The following ZMIZ1 variants were observed in gnomAD, a reference collection of about 807,000 sequenced individuals.
ZMIZ1 encodes the protein zinc finger MIZ-type containing 1, also known as zinc finger MIZ domain-containing protein 1.
In ZMIZ1, 17 loss-of-function variants were observed where a neutral mutation model predicts 113.9. The ratio of observed to expected loss-of-function variants is 0.15; its 90% CI spans 0.10 to 0.22. The LOEUF is 0.22. Ranked by LOEUF, ZMIZ1 falls within the 10% of genes least tolerant of loss-of-function variation. The pLI is 1.00. For missense variants in ZMIZ1, 1,059 were observed against 1,477.8 expected (o/e 0.72, Z 4.65); for synonymous variants, 607 against 603.1 (o/e 1.01, Z -0.09).
intron 4 of ZMIZ1, among the ~76,000 whole-genome samples, chr10:79,180,611 G>GT (rs1473200765): frequency 6.6e-6 from 1 of 152,178 alleles, no homozygotes; most frequent in Non-Finnish European, 1.5e-5. Context: ...CCCCAGAGGC[G>GT]TGGGAGCCTG....
At chr10:79,214,911 T>C (rs1205709849) in intron 6 of ZMIZ1, among the ~76,000 whole-genome samples, 1 of 151,864 alleles carries the variant, frequency 6.6e-6, no homozygotes, top group East Asian at 1.9e-4. Context: ...GGGGACAGAG[T>C]GAAGCCAGAG....
rs532477504 is a variant in ZMIZ1, at chr10:79,131,392, CA to C, written c.-226-8289del. On this transcript the variant is annotated intron_variant, in intron 2 of 24. Coordinates refer to ENST00000334512, the MANE Select transcript of ZMIZ1 (RefSeq NM_020338.4). ...TCAGCAGCCACACTGGAAGGTTTTT[CA>C]GGGGGTTTATCTCCCTCTTCTCTGA... Among the ~76,000 whole-genome samples the C allele has an allele frequency of 4.0e-3, 616 of 152,274 alleles. 7 individuals are homozygous for C. Among genetic ancestry groups the C allele is most frequent in the African/African-American group, 0.014 (590 of 41,548 alleles).
intron 4 of ZMIZ1, among the ~76,000 whole-genome samples, chr10:79,199,124 A>G (rs1847962925): frequency 6.6e-6 from 1 of 152,142 alleles, no homozygotes; most frequent in Admixed American, 6.5e-5. Flanking sequence ...TGAGGGCTCA[A>G]GCCTTAGAAC....
At chr10:79,210,894 G>C (rs1848503439) in intron 6 of ZMIZ1, among the ~76,000 whole-genome samples, 1 of 152,146 alleles carries the variant, frequency 6.6e-6, no homozygotes, top group Non-Finnish European at 1.5e-5. Flanking sequence ...AGCCCAGAGA[G>C]GGCCTCATGA....
chr10:79,165,856 T>G (rs967759835), intron 4 of ZMIZ1, among the ~76,000 whole-genome samples: 2 of 150,182 alleles, frequency 1.3e-5, no homozygotes, highest in Non-Finnish European at 3.0e-5. Context: ...GGGCCTGGTC[T>G]GCTAGGGGGG....
intron 1 of ZMIZ1, among the ~76,000 whole-genome samples, chr10:79,090,779 T>TG (rs572561883): frequency 2.6e-4 from 39 of 152,332 alleles, no homozygotes; most frequent in African/African-American, 9.1e-4. Context: ...AGCTGAGGTT[T>TG]GGGGGGTGCC....
At position 79,305,610 on chromosome 10, in the gene ZMIZ1, G is replaced by T; in HGVS notation, c.2423+9G>T. The stretch of plus-strand genomic sequence containing the variant: ...CTGAATGCCATCCAACAGTAAGTGG[G>T]GCCCTAGCGAGGGGCAGGGGGTGGG... On this transcript the variant is annotated intron_variant, in intron 21 of 24. Coordinates refer to ENST00000334512, the MANE Select transcript of ZMIZ1 (RefSeq NM_020338.4). 1 of 1,613,790 alleles carries T rather than the reference G, an allele frequency of 6.2e-7. No individual in the cohort carries two copies. The highest frequency in any genetic ancestry group is 1.1e-5 in the South Asian group (1 of 91,066).
chr10:79,205,639 G>T (rs1158471500), intron 5 of ZMIZ1, among the ~76,000 whole-genome samples: 1 of 152,212 alleles, frequency 6.6e-6, no homozygotes, highest in African/African-American at 2.4e-5. Flanking sequence ...ACAGATGAGG[G>T]TCTGATGTGC....
At chr10:79,308,325 G>A (rs1409700318) in intron 23 of ZMIZ1, among the ~76,000 whole-genome samples, 2 of 152,244 alleles carry the variant, frequency 1.3e-5, no homozygotes, top group Non-Finnish European at 2.9e-5. Context: ...ACTCCTGGCA[G>A]TGCGTGGGTG....
At chr10:79,206,106 CAAA>C (rs79155220) in intron 5 of ZMIZ1, among the ~76,000 whole-genome samples, 1 of 95,092 alleles carries the variant, frequency 1.1e-5, no homozygotes, top group African/African-American at 4.0e-5. Context: ...AGACCCTGTC[CAAA>C]AAAAAAAAAA....
chr10:79,103,773 G>A (rs1289133786), intron 1 of ZMIZ1, among the ~76,000 whole-genome samples: 3 of 152,126 alleles, frequency 2.0e-5, no homozygotes, highest in Non-Finnish European at 4.4e-5. Flanking sequence ...GCTTCCCTGG[G>A]GGCCTGGCCT....
At chr10:79,087,774 T>A (rs1258665526) in intron 1 of ZMIZ1, among the ~76,000 whole-genome samples, 1 of 152,266 alleles carries the variant, frequency 6.6e-6, no homozygotes, top group African/African-American at 2.4e-5. Context: ...TCTGTCTGCC[T>A]GGAGAACTCC....
At chr10:79,185,579 C>T (rs1179521192) in intron 4 of ZMIZ1, among the ~76,000 whole-genome samples, 1 of 152,034 alleles carries the variant, frequency 6.6e-6, no homozygotes, top group Non-Finnish European at 1.5e-5. Context: ...AGCAGAGGGT[C>T]TCAGCCACCA....
chr10:79,314,130 C>T lies in ZMIZ1; in HGVS notation c.*1381C>T, dbSNP rs1855383832. Reference sequence around the variant, plus strand: ...CTCCTGCTCACTCAAGCAAAAGCAGCCTCTGGCCTTCCCTCCACCGCTTTG... The same window carrying T: ...CTCCTGCTCACTCAAGCAAAAGCAGTCTCTGGCCTTCCCTCCACCGCTTTG... On this transcript the variant is annotated 3_prime_UTR_variant, in exon 25 of 25. Transcript: ENST00000334512. 1 of 456,892 alleles carries T rather than the reference C, an allele frequency of 2.2e-6. No homozygotes were observed. The highest frequency in any genetic ancestry group is 1.5e-5 in the South Asian group (1 of 64,580). 28.3% of individuals were successfully genotyped at this position (456,892 alleles called of 1,614,324 possible).
At position 79,306,191 on chromosome 10, in the gene ZMIZ1, G is replaced by A. The variant is rs1191702340; in HGVS notation, c.2515G>A (p.Gly839Ser). The change falls in exon 22 of 25, where the codon GGC becomes AGC. Residue 839 changes from glycine to serine, a missense_variant. Coordinates refer to ENST00000334512, the MANE Select transcript of ZMIZ1 (RefSeq NM_020338.4). ...CTTACACATCAAGGACGACCCTGATGGCATCCCCTCCAAGCGGTTCAAGAC... is the reference window on the plus strand; with the variant it reads ...CTTACACATCAAGGACGACCCTGATAGCATCCCCTCCAAGCGGTTCAAGAC... ...SDLHIKDDPDGIPSKRFKTMS... is the reference protein window; with the variant it reads ...SDLHIKDDPDSIPSKRFKTMS... 6.2e-7 allele frequency: 1 copy of A among 1,614,168 alleles called. No individual in the cohort carries two copies. The highest frequency in any genetic ancestry group is 1.3e-5 in the African/African-American group (1 of 75,062).
At chr10:79,268,584 C>T (rs933512695) in intron 7 of ZMIZ1, among the ~76,000 whole-genome samples, 1 of 152,198 alleles carries the variant, frequency 6.6e-6, no homozygotes, top group African/African-American at 2.4e-5. Context: ...ATGTGCTAAA[C>T]GCCGTGCTGG....
At chr10:79,205,819 G>A (rs1310295432) in intron 5 of ZMIZ1, among the ~76,000 whole-genome samples, 1 of 152,198 alleles carries the variant, frequency 6.6e-6, no homozygotes, top group Non-Finnish European at 1.5e-5. Context: ...AGGCCAAAGA[G>A]CTGCACAGTA....
intron 1 of ZMIZ1, among the ~76,000 whole-genome samples, chr10:79,096,501 G>C (rs1843174332): frequency 6.6e-6 from 1 of 152,082 alleles, no homozygotes; most frequent in African/African-American, 2.4e-5. Flanking sequence ...GACAGAGTGA[G>C]ACTCCGTCTC....
intron 3 of ZMIZ1, among the ~76,000 whole-genome samples, chr10:79,151,330 C>T (rs1845702396): frequency 2.0e-5 from 3 of 152,212 alleles, no homozygotes; most frequent in South Asian, 2.1e-4. Context: ...CAGTGCTGGG[C>T]CCCCTGCGGC....
Sources: allele counts gnomAD v4.1 joint callset (sites outside exome capture counted in the v4.1 genomes callset), GRCh38; gene constraint gnomAD v4.1.1; transcripts MANE v1.5; gene names NCBI Gene and HGNC (gene_info 2026-07-23, HGNC 2026-07-21).